Variants in PIAS2 observed in about 807,000 individuals in gnomAD.
PIAS2 encodes the protein protein inhibitor of activated STAT 2, also known as E3 SUMO-protein ligase PIAS2.
In PIAS2, 19 loss-of-function variants were observed where a neutral mutation model predicts 69.7. That is an observed-to-expected ratio of 0.27 (90% CI 0.19 to 0.40). The LOEUF is 0.40. Among genes scored for constraint, PIAS2 ranks in the 10% least tolerant of loss-of-function variants. The pLI is 1.00. For missense variants in PIAS2, 624 were observed against 757.0 expected (o/e 0.82, Z 2.06); for synonymous variants, 261 against 263.2 (o/e 0.99, Z 0.08).
intron 11 of PIAS2, chr18:46,826,835 A>C (rs953386708): frequency 2.6e-5 from 4 of 152,332 alleles, no homozygotes; most frequent in African/African-American, 9.6e-5. Flanking sequence ...ACAGCAAAGA[A>C]GGCAGCTGAA....
At chr18:46,898,506 A>G (rs1387006290) in intron 1 of PIAS2, among the ~76,000 whole-genome samples, 2 of 152,238 alleles carry the variant, frequency 1.3e-5, no homozygotes, top group Non-Finnish European at 2.9e-5. Flanking sequence ...TCTCTCTATT[A>G]GAAATATAAG....
chr18:46,844,969 T>C, intron 6 of PIAS2, 130 bp from the exon 7 acceptor site: 1 of 443,834 alleles, frequency 2.3e-6, no homozygotes, highest in Non-Finnish European at 3.9e-6. Context: ...GAATGGTCAA[T>C]CACTGCGAAG....
chr18:46,832,892 C>CAAAAAAAAAAAAAAAAAAAAAAAAAA (rs34958166), intron 9 of PIAS2, among the ~76,000 whole-genome samples: 8 of 105,968 alleles, frequency 7.5e-5, no homozygotes, highest in Non-Finnish European at 1.1e-4. Context: ...CCTCTGTCTC[C>CAAAAAAAAAAAAAAAAAAAAAAAAAA]AAAAAAAAAA....
chr18:46,815,648 G>A, intron 12 of PIAS2: 2 of 1,045,662 alleles, frequency 1.9e-6, no homozygotes, highest in Non-Finnish European at 2.3e-6. Flanking sequence ...TTAACAGAAT[G>A]AGAAGCAATA....
At chr18:46,828,276 A>G (rs1350461641) in intron 10 of PIAS2, 146 bp from the exon 11 acceptor site, 2 of 593,328 alleles carry the variant, frequency 3.4e-6, no homozygotes, top group Non-Finnish European at 5.5e-6. Context: ...GACAAATACC[A>G]ACTCCCTAAC....
chr18:46,912,088 G>C (rs559926460), intron 1 of PIAS2, among the ~76,000 whole-genome samples: 1 of 152,162 alleles, frequency 6.6e-6, no homozygotes, highest in Non-Finnish European at 1.5e-5. Context: ...AGGCTAGGAA[G>C]GGAGGAGGGA....
chr18:46,898,593 AT>A (rs759033463), intron 1 of PIAS2, among the ~76,000 whole-genome samples: 7 of 152,356 alleles, frequency 4.6e-5, no homozygotes, highest in Admixed American at 2.6e-4. Flanking sequence ...ACATTTTCAA[AT>A]GGCTGAAAAA....
In PIAS2 at chr18:46,805,103, G is replaced by A. The variant is rs1329891058; in HGVS notation, c.*7330C>T. 6.6e-6 allele frequency: 1 copy of A among 152,190 alleles called. No homozygotes were observed. Among genetic ancestry groups the A allele is most frequent in the Non-Finnish European group, 1.5e-5 (1 of 68,056 alleles). The allele number at this position is 152,190 out of a possible 1,614,324, so 9.4% of individuals were successfully genotyped here. A position where few individuals can be genotyped will look rare whatever the true frequency, so the allele number is the denominator to read the frequency against. ...CCTTCTGTTTGAATTAAGCAGCAAAGTCATCTTCTGAGAAGGAAGTGGCCT... is the reference window on the plus strand; with the variant it reads ...CCTTCTGTTTGAATTAAGCAGCAAAATCATCTTCTGAGAAGGAAGTGGCCT... On this transcript the variant is annotated 3_prime_UTR_variant, in exon 14 of 14. Coordinates refer to ENST00000585916, the MANE Select transcript of PIAS2 (RefSeq NM_004671.5).
intron 5 of PIAS2, among the ~76,000 whole-genome samples, chr18:46,849,091 G>A (rs1467163670): frequency 6.6e-6 from 1 of 152,126 alleles, no homozygotes; most frequent in Non-Finnish European, 1.5e-5. Context: ...AATAACTCAT[G>A]AACTAAAATG....
intron 2 of PIAS2, among the ~76,000 whole-genome samples, chr18:46,890,127 T>G (rs756114438): frequency 2.0e-5 from 3 of 152,176 alleles, no homozygotes; most frequent in Non-Finnish European, 4.4e-5. Flanking sequence ...ATGAGGTACT[T>G]GGAATAGTCA....
intron 1 of PIAS2, among the ~76,000 whole-genome samples, chr18:46,896,876 G>T (rs1364421849): frequency 6.6e-6 from 1 of 152,144 alleles, no homozygotes; most frequent in Non-Finnish European, 1.5e-5. Context: ...AAATTGCTTG[G>T]TTAAGATTAT....
At chr18:46,862,326 C>T (rs181667015) in intron 3 of PIAS2, among the ~76,000 whole-genome samples, 5 of 152,176 alleles carry the variant, frequency 3.3e-5, no homozygotes, top group Admixed American at 6.5e-5. Context: ...CAGAGCGAGA[C>T]TCTGTCTCAA....
At chr18:46,825,908 A>C (rs1476277272) in intron 11 of PIAS2, among the ~76,000 whole-genome samples, 1 of 152,208 alleles carries the variant, frequency 6.6e-6, no homozygotes, top group Non-Finnish European at 1.5e-5. Context: ...CCTGGGATAA[A>C]CTCTAGTTGG....
At chr18:46,817,680 T>C in intron 12 of PIAS2, 1 of 956,440 alleles carries the variant, frequency 1.0e-6, no homozygotes. Context: ...TCTAGATTGT[T>C]TACCAAGCAT....
At position 46,810,803 on chromosome 18, in the gene PIAS2, T is replaced by A. The variant is rs2040949816; in HGVS notation, c.*1630A>T. Reference sequence around the variant, plus strand: ...CCTTGGAGCTGCACCAACTCTTAAGTAGGATGTCCCTATTCTAACGGAAAT... The same window carrying A: ...CCTTGGAGCTGCACCAACTCTTAAGAAGGATGTCCCTATTCTAACGGAAAT... On this transcript the variant is annotated 3_prime_UTR_variant, in exon 14 of 14. Coordinates refer to ENST00000585916, the MANE Select transcript of PIAS2 (RefSeq NM_004671.5). 1 of 150,992 alleles carries A rather than the reference T, an allele frequency of 6.6e-6. No individual in the cohort carries two copies. Among genetic ancestry groups the A allele is most frequent in the African/African-American group, 2.4e-5 (1 of 41,108 alleles). The allele number at this position is 150,992 out of a possible 1,614,324, so 9.4% of individuals were successfully genotyped here. A position where few individuals can be genotyped will look rare whatever the true frequency, so the allele number is the denominator to read the frequency against.
chr18:46,820,118 T>C (rs1306171788), intron 12 of PIAS2, among the ~76,000 whole-genome samples: 1 of 152,168 alleles, frequency 6.6e-6, no homozygotes, highest in Non-Finnish European at 1.5e-5. Flanking sequence ...ACATGAACCA[T>C]TCTTTTGTCC....
At chr18:46,857,550 C>A (rs1447722843) in intron 3 of PIAS2, among the ~76,000 whole-genome samples, 1 of 151,712 alleles carries the variant, frequency 6.6e-6, no homozygotes, top group African/African-American at 2.4e-5. Flanking sequence ...TGCAGTAATT[C>A]CCAGAAAAAA....
At position 46,808,533 on chromosome 18, in the gene PIAS2, T is replaced by A. The variant is rs1303906387; in HGVS notation, c.*3900A>T. 1.3e-5 allele frequency: 2 copies of A among 152,198 alleles called. No individual in the cohort carries two copies. Among genetic ancestry groups the A allele is most frequent in the Non-Finnish European group, 2.9e-5 (2 of 68,024 alleles). The allele number at this position is 152,198 out of a possible 1,614,324, so 9.4% of individuals were successfully genotyped here. On this transcript the variant is annotated 3_prime_UTR_variant, in exon 14 of 14. Coordinates refer to ENST00000585916, the MANE Select transcript of PIAS2 (RefSeq NM_004671.5). ...AAAAGCAGAGAAATGCTTAATTTTC[T>A]TCTACCTGTTTCACCACATTCATGT...
intron 1 of PIAS2, among the ~76,000 whole-genome samples, chr18:46,913,337 A>G (rs973993123): frequency 1.3e-5 from 2 of 152,288 alleles, no homozygotes; most frequent in Non-Finnish European, 2.9e-5. Flanking sequence ...CTTAGCATGA[A>G]AGACCCAAAT....
Sources: gnomAD v4.1 joint callset for allele counts (sites outside exome capture counted in the v4.1 genomes callset) on GRCh38, gnomAD v4.1.1 for gene constraint, MANE v1.5 for transcripts, NCBI Gene and HGNC (gene_info 2026-07-23, HGNC 2026-07-21) for gene names.